The following CYFIP2 variants were observed in gnomAD, a reference collection of about 807,000 sequenced individuals.
CYFIP2 encodes cytoplasmic FMR1-interacting protein 2.
Under a neutral mutation model 158.7 loss-of-function variants are expected in CYFIP2, and 29 were observed. That is an observed-to-expected ratio of 0.18 (90% CI 0.14 to 0.25). The LOEUF is 0.25. CYFIP2 is among the 10% of genes least tolerant of loss of function. The pLI, the probability that CYFIP2 is intolerant of heterozygous loss-of-function variation, is 1.00. For synonymous variants in CYFIP2, 585 were observed against 617.6 expected, an observed-to-expected ratio of 0.95 and a Z score of 0.78; for missense variants, 852 against 1,639.5, an observed-to-expected ratio of 0.52 and a Z score of 8.29.
intron 2 of CYFIP2, among the ~76,000 whole-genome samples, chr5:157,286,310 G>A (rs113370288): frequency 2.7e-5 from 4 of 149,770 alleles, no homozygotes; most frequent in East Asian, 1.9e-4. Flanking sequence ...ATAACTATGC[G>A]GATATATACC....
Position 157,309,820 on chromosome 5 carries a change from A to G in CYFIP2, c.978A>G (p.Glu326=), listed in dbSNP as rs1759555741. Reference sequence around the variant, plus strand: ...ACATTAAGACCAGTGCTCACTATGAAGAGAACAAGTCCAAGTGAGTGCCTG... The same window carrying G: ...ACATTAAGACCAGTGCTCACTATGAGGAGAACAAGTCCAAGTGAGTGCCTG... ...ARYIKTSAHY[E]ENKSKWTCTQ... The change falls in exon 10 of 31, where the codon GAA becomes GAG. Residue 326 remains glutamate (E), a synonymous_variant. Coordinates refer to ENST00000620254, the MANE Select transcript of CYFIP2 (RefSeq NM_001037333.3). The G allele has an allele frequency of 6.3e-7, 1 of 1,598,680 alleles. No individual in the cohort carries two copies. Among genetic ancestry groups the G allele is most frequent in the Non-Finnish European group, 8.5e-7 (1 of 1,172,986 alleles).
In CYFIP2 at chr5:157,333,443, T is replaced by C; in HGVS notation, c.2382T>C (p.Ile794=). ...TTGAGAGTGAGGACCTGACCTCCAT[T>C]GTGGTAAGAGTCTGGGAGCGTGTGG... ...SRFESEDLTS[I]VELEWLLEIN... is the part of the protein sequence containing the mutation. Residue 794 remains isoleucine, a synonymous_variant, in exon 21 of 31, where the codon ATT becomes ATC. Transcript: ENST00000620254. 1 of 1,613,816 alleles carries C rather than the reference T, an allele frequency of 6.2e-7. No individual in the cohort carries two copies. Among genetic ancestry groups the C allele is most frequent in the African/African-American group, 1.3e-5 (1 of 74,994 alleles).
intron 1 of CYFIP2, among the ~76,000 whole-genome samples, chr5:157,277,969 C>G (rs1313418475): frequency 6.6e-6 from 1 of 152,056 alleles, no homozygotes; most frequent in Admixed American, 6.6e-5. Context: ...AATTGCAACA[C>G]AGTGGGAAGT....
intron 22 of CYFIP2, 97 bp downstream of exon 22, chr5:157,339,353 T>G: frequency 2.8e-6 from 3 of 1,085,748 alleles, no homozygotes; most frequent in Non-Finnish European, 2.7e-6. Context: ...GAGTGGTTCC[T>G]GCAACAGGTG....
chr5:157,296,639 A>T, intron 4 of CYFIP2, 34 bp from the exon 5 acceptor site: 1 of 1,588,060 alleles, frequency 6.3e-7, no homozygotes, highest in Non-Finnish European at 8.6e-7. Context: ...ACAGGTGTAA[A>T]CCAGGATGTG....
In CYFIP2 at chr5:157,315,192, A is replaced by G. The variant is rs1581040954; in HGVS notation, c.1356+98A>G. 5 of 1,484,968 alleles carry G rather than the reference A, an allele frequency of 3.4e-6. No individual in the cohort carries two copies. The East Asian group carries it at 1.2e-4, about 36-fold the overall frequency. The allele number at this position is 1,484,968 out of a possible 1,614,324, so 92.0% of individuals were successfully genotyped here. A position where few individuals can be genotyped will look rare whatever the true frequency, so the allele number is the denominator to read the frequency against. ...GCAAGAAAACAGCATCGGTTGCCCTAATTTTCGTGCTCTTCCCTGTCCTAC... is the reference window on the plus strand; with the variant it reads ...GCAAGAAAACAGCATCGGTTGCCCTGATTTTCGTGCTCTTCCCTGTCCTAC... On this transcript the variant is annotated intron_variant, in intron 13 of 30. Coordinates refer to ENST00000620254, the MANE Select transcript of CYFIP2 (RefSeq NM_001037333.3).
At chr5:157,347,934 C>T (rs1413458641) in intron 23 of CYFIP2, among the ~76,000 whole-genome samples, 5 of 152,228 alleles carry the variant, frequency 3.3e-5, no homozygotes, top group African/African-American at 1.2e-4. Context: ...TCTGAGCTGT[C>T]GCCGCTCACC....
intron 23 of CYFIP2, among the ~76,000 whole-genome samples, chr5:157,347,986 A>T (rs1308414360): frequency 1.3e-5 from 2 of 152,198 alleles, no homozygotes; most frequent in Non-Finnish European, 2.9e-5. Flanking sequence ...TGTGAAGGAG[A>T]TAAAGTATCT....
At chr5:157,390,737 C>G in intron 30 of CYFIP2, 69 bp downstream of exon 30, 1 of 1,547,364 alleles carries the variant, frequency 6.5e-7, no homozygotes, top group East Asian at 2.4e-5. Context: ...ACCAGAAAAG[C>G]AAACAAGGAG....
intron 4 of CYFIP2, chr5:157,296,348 A>G (rs991189987): frequency 3.8e-5 from 14 of 368,456 alleles, no homozygotes; most frequent in African/African-American, 1.7e-4. Context: ...AATCCCAGCA[A>G]TTTGGGAGGC....
Position 157,361,710 on chromosome 5 carries a change from CA to C in CYFIP2, c.3039+113del, listed in dbSNP as rs1406066032. ...GATTTGTGCTTTGAGTACAAGCTCA[CA>C]TGCTCTTTTCAGTTCATTTCCAGAC... is the stretch of plus-strand genomic sequence containing the variant. On this transcript the variant is annotated intron_variant, in intron 26 of 30. Coordinates refer to ENST00000620254, the MANE Select transcript of CYFIP2 (RefSeq NM_001037333.3). The surrounding 1 kb of genome is among the most constrained non-coding windows in gnomAD (Gnocchi z 4.4). 3.0e-6 allele frequency: 4 copies of C among 1,332,740 alleles called. No individual in the cohort carries two copies. The highest frequency in any genetic ancestry group is 4.1e-6 in the Non-Finnish European group (4 of 969,184). 82.6% of individuals were successfully genotyped at this position (1,332,740 alleles called of 1,614,324 possible).
At position 157,389,447 on chromosome 5, in the gene CYFIP2, G is replaced by A. The variant is rs376218385; in HGVS notation, c.3446+20G>A. ...AGCTGAGTGAGTACCCCCCAGAGAA[G>A]GCAGGGTTACCCCCAACCTGCCTGT... On this transcript the variant is annotated intron_variant, in intron 29 of 30. Transcript: ENST00000620254. 1.9e-6 allele frequency: 3 copies of A among 1,546,464 alleles called. No homozygotes were observed. The African/African-American group carries it at 4.1e-5, about 21-fold the overall frequency.
At chr5:157,368,332 G>T (rs796135897) in intron 26 of CYFIP2, among the ~76,000 whole-genome samples, 1 of 152,104 alleles carries the variant, frequency 6.6e-6, no homozygotes, top group South Asian at 2.1e-4. Context: ...TCAAATGCAT[G>T]GAAAGTCAAA....
intron 23 of CYFIP2, among the ~76,000 whole-genome samples, chr5:157,346,699 T>C (rs1762720800): frequency 1.3e-5 from 2 of 152,186 alleles, no homozygotes; most frequent in Admixed American, 1.3e-4. Flanking sequence ...TAATTTGTGA[T>C]AGCAACCCTA....
In CYFIP2 at chr5:157,296,657, C is replaced by G; in HGVS notation, c.286-16C>G. 6.2e-7 allele frequency: 1 copy of G among 1,607,682 alleles called. No homozygotes were observed. The highest frequency in any genetic ancestry group is 8.5e-7 in the Non-Finnish European group (1 of 1,174,600). Reference sequence around the variant, plus strand: ...GGTGTAAACCAGGATGTGTGTGTCCCCATTATCCCCCACAGGTGAAATGCA... The same window carrying G: ...GGTGTAAACCAGGATGTGTGTGTCCGCATTATCCCCCACAGGTGAAATGCA... On this transcript the variant is annotated splice_polypyrimidine_tract_variant and intron_variant, in intron 4 of 30. Transcript: ENST00000620254.
chr5:157,368,517 C>G (rs1764649537), intron 26 of CYFIP2, among the ~76,000 whole-genome samples: 2 of 152,172 alleles, frequency 1.3e-5, no homozygotes, highest in African/African-American at 2.4e-5. Context: ...TCTGGCCTTT[C>G]TGTATGAGTG....
intron 20 of CYFIP2, among the ~76,000 whole-genome samples, chr5:157,331,670 A>G (rs1004128587): frequency 2.0e-5 from 3 of 152,248 alleles, no homozygotes; most frequent in Admixed American, 6.5e-5. Flanking sequence ...CAGGGGCTCA[A>G]TGAGAGCTTT....
At chr5:157,387,718 T>C (rs1468930553) in intron 28 of CYFIP2, among the ~76,000 whole-genome samples, 1 of 151,808 alleles carries the variant, frequency 6.6e-6, no homozygotes, top group Non-Finnish European at 1.5e-5. Flanking sequence ...TAGCTAACTA[T>C]GGCAATCTGA....
Position 157,287,090 on chromosome 5 carries a change from T to C in CYFIP2, c.189T>C (p.Ala63=). Residue 63 remains alanine, a synonymous_variant, in exon 3 of 31, where the codon GCT becomes GCC. Transcript: ENST00000620254. The part of the protein sequence containing the change: ...VTGIARYIEQ[A]TVHSSMNEML... ...GCATTGCAAGGTACATTGAGCAGGC[T>C]ACAGTCCACTCCAGCATGGTAAGTC... The C allele has an allele frequency of 6.2e-7, 1 of 1,613,326 alleles. No individual in the cohort carries two copies. The highest frequency in any genetic ancestry group is 8.5e-7 in the Non-Finnish European group (1 of 1,179,422).
Sources: gnomAD v4.1 joint callset for allele counts (sites outside exome capture counted in the v4.1 genomes callset) on GRCh38, gnomAD v4.1.1 for gene constraint, Gnocchi (gnomAD v3.1) non-coding constraint, MANE v1.5 for transcripts, NCBI Gene and HGNC (gene_info 2026-07-23, HGNC 2026-07-21) for gene names.